SPIDR: variants seen among roughly 807,000 people sequenced by gnomAD.
The protein encoded by SPIDR is DNA repair-scaffolding protein.
SPIDR carries 93 observed loss-of-function variants against 104.6 expected under a neutral mutation model. The observed-to-expected ratio is 0.89, with a 90% CI of 0.75 to 1.06. The LOEUF (loss-of-function observed/expected upper bound fraction) is 1.06, where lower values mean the gene tolerates loss of function less well. Among genes scored for constraint, SPIDR ranks in the 50% least tolerant of loss-of-function variants. The pLI, the probability that SPIDR is intolerant of heterozygous loss-of-function variation, is 0.00. For missense variants in SPIDR, 1,154 were observed against 1,111.2 expected, an observed-to-expected ratio of 1.04 and a Z score of -0.55; for synonymous variants, 431 against 416.9, an observed-to-expected ratio of 1.03 and a Z score of -0.41.
At chr8:47,412,198 A>ACAG (rs2063629258) in intron 7 of SPIDR, among the ~76,000 whole-genome samples, 2 of 152,190 alleles carry the variant, frequency 1.3e-5, no homozygotes, top group Non-Finnish European at 2.9e-5. Context: ...GAAGAAAGTC[A>ACAG]TTGGTAGCTT....
intron 11 of SPIDR, among the ~76,000 whole-genome samples, chr8:47,682,664 G>A (rs2077253887): frequency 6.6e-6 from 1 of 152,150 alleles, no homozygotes; most frequent in Admixed American, 6.5e-5. Context: ...CATAAGTTCA[G>A]TTGGAAAATA....
chr8:47,271,862 A>G (rs1365972949), intron 1 of SPIDR, among the ~76,000 whole-genome samples: 1 of 152,120 alleles, frequency 6.6e-6, no homozygotes, highest in African/African-American at 2.4e-5. Context: ...ATCTCAGCTC[A>G]CTGCAGCCTC....
At chr8:47,546,370 C>G (rs946381340) in intron 8 of SPIDR, among the ~76,000 whole-genome samples, 1 of 152,068 alleles carries the variant, frequency 6.6e-6, no homozygotes, top group Admixed American at 6.5e-5. Context: ...TTTATTTTAC[C>G]TAACATGTCA....
intron 7 of SPIDR, among the ~76,000 whole-genome samples, chr8:47,438,602 A>T (rs1047951568): frequency 4.6e-5 from 7 of 152,202 alleles, no homozygotes; most frequent in African/African-American, 1.7e-4. Context: ...AGTTGGTTTC[A>T]TTCCTCTGTT....
intron 8 of SPIDR, among the ~76,000 whole-genome samples, chr8:47,561,161 T>C (rs2057020265): frequency 6.6e-6 from 1 of 152,232 alleles, no homozygotes; most frequent in African/African-American, 2.4e-5. Flanking sequence ...TTTTAATGAC[T>C]TAATGACTTC....
chr8:47,467,475 C>G (rs782814014), intron 8 of SPIDR, among the ~76,000 whole-genome samples: 5 of 152,130 alleles, frequency 3.3e-5, no homozygotes, highest in Non-Finnish European at 5.9e-5. Flanking sequence ...AAAATACTGA[C>G]AAACTGAGTC....
intron 8 of SPIDR, among the ~76,000 whole-genome samples, chr8:47,443,787 A>G (rs782054416): frequency 1.3e-4 from 20 of 151,824 alleles, no homozygotes; most frequent in African/African-American, 2.4e-4. Context: ...AAAAGAATCA[A>G]TAGACTTTAG....
chr8:47,301,177 A>C (rs2042013774), intron 5 of SPIDR, among the ~76,000 whole-genome samples: 1 of 152,176 alleles, frequency 6.6e-6, no homozygotes, highest in Non-Finnish European at 1.5e-5. Flanking sequence ...CTTCTTGTTG[A>C]ATGATCCCTT....
At chr8:47,414,775 G>A (rs537360079) in intron 7 of SPIDR, among the ~76,000 whole-genome samples, 5 of 152,232 alleles carry the variant, frequency 3.3e-5, no homozygotes, top group Admixed American at 6.5e-5. Context: ...CAAATAAAAC[G>A]TGCTGTGAAC....
chr8:47,462,098 A>G (rs1564035492), intron 8 of SPIDR, among the ~76,000 whole-genome samples: 1 of 152,142 alleles, frequency 6.6e-6, no homozygotes. Flanking sequence ...CTTTTGTCCC[A>G]CAGGATGTTC....
chr8:47,728,791 C>A, intron 17 of SPIDR, 142 bp from the exon 18 acceptor site: 1 of 918,144 alleles, frequency 1.1e-6, no homozygotes, highest in Non-Finnish European at 1.6e-6. Flanking sequence ...AGCTGCAGGC[C>A]TCTCTCAGAA....
chr8:47,698,773 T>A (rs1411357315), intron 11 of SPIDR, among the ~76,000 whole-genome samples: 1 of 152,192 alleles, frequency 6.6e-6, no homozygotes, highest in Non-Finnish European at 1.5e-5. Context: ...AAGCTTTAGT[T>A]TAAAATAAAA....
In SPIDR at chr8:47,360,130, T is replaced by C. The variant is rs2055477096; in HGVS notation, c.526-36246T>C. ...GGTGGCGGGCGCCTGTAGTCCCAGC[T>C]ACTCGGGAGGCTGAGGCAGGACAAT... On this transcript the variant is annotated intron_variant, in intron 5 of 19. Coordinates refer to ENST00000297423, the MANE Select transcript of SPIDR (RefSeq NM_001080394.4). Among the ~76,000 whole-genome samples, 2 of 149,824 alleles carry C rather than the reference T, an allele frequency of 1.3e-5. 1 individual carries two copies. The highest frequency in any genetic ancestry group is 2.9e-5 in the Non-Finnish European group (2 of 67,798).
At chr8:47,596,525 A>G (rs1187441747) in intron 9 of SPIDR, among the ~76,000 whole-genome samples, 3 of 152,214 alleles carry the variant, frequency 2.0e-5, no homozygotes, top group Non-Finnish European at 2.9e-5. Flanking sequence ...TGTATAGGGT[A>G]TTTACCATAA....
At position 47,384,262 on chromosome 8, in the gene SPIDR, T is replaced by C. The variant is rs78388018; in HGVS notation, c.526-12114T>C. On this transcript the variant is annotated intron_variant, in intron 5 of 19. Coordinates refer to ENST00000297423, the MANE Select transcript of SPIDR (RefSeq NM_001080394.4). ...TCTGGTGAAACTACTCTCAAATCTT[T>C]GTTCTTGTGTAGTTGTATATGTACG... 9.9e-3 allele frequency among the ~76,000 whole-genome samples: 1,506 copies of C among 152,290 alleles called. 29 individuals are homozygous for C. The highest frequency in any genetic ancestry group is 0.083 in the East Asian group (428 of 5,178).
intron 5 of SPIDR, among the ~76,000 whole-genome samples, chr8:47,391,856 C>T (rs1056827878): frequency 2.0e-5 from 3 of 151,718 alleles, no homozygotes; most frequent in South Asian, 2.1e-4. Flanking sequence ...ATTAGCTGGG[C>T]GTAGTGGCGG....
chr8:47,590,761 C>G (rs960767046), intron 8 of SPIDR, among the ~76,000 whole-genome samples: 4 of 152,156 alleles, frequency 2.6e-5, no homozygotes, highest in Admixed American at 2.6e-4. Context: ...GTCTGCAATT[C>G]TAATTGTGGA....
intron 5 of SPIDR, among the ~76,000 whole-genome samples, chr8:47,380,204 G>A (rs1352369529): frequency 1.3e-5 from 2 of 152,184 alleles, no homozygotes; most frequent in African/African-American, 4.8e-5. Flanking sequence ...CCACAGCAAC[G>A]CGTGCTGCCC....
chr8:47,713,248 A>G, intron 15 of SPIDR: 2 of 616,700 alleles, frequency 3.2e-6, no homozygotes, highest in Non-Finnish European at 2.7e-6. Flanking sequence ...TTATTGAGTC[A>G]TAATTCACAT....
Sources: gnomAD v4.1 joint callset for allele counts (sites outside exome capture counted in the v4.1 genomes callset) on GRCh38, gnomAD v4.1.1 for gene constraint, MANE v1.5 for transcripts, NCBI Gene and HGNC (gene_info 2026-07-23, HGNC 2026-07-21) for gene names.